NSUN6: variants seen among roughly 807,000 people sequenced by gnomAD.
NSUN6 encodes NOP2/Sun RNA methyltransferase 6, also known as tRNA (cytosine(72)-C(5))-methyltransferase NSUN6.
NSUN6 carries 64 observed loss-of-function variants against 58.0 expected under a neutral mutation model. The observed-to-expected ratio is 1.10, with a 90% CI of 0.90 to 1.36. The LOEUF is 1.36. Among genes scored for constraint, NSUN6 ranks in the 40% most tolerant of loss-of-function variants. The pLI, the probability that NSUN6 is intolerant of heterozygous loss-of-function variation, is 0.00. For missense variants in NSUN6, 701 were observed against 550.1 expected (o/e 1.27, Z -2.74); for synonymous variants, 231 against 193.9 (o/e 1.19, Z -1.59).
In NSUN6 at chr10:18,616,191, T is replaced by A. The variant is rs1287474534; in HGVS notation, c.414A>T (p.Ala138=). The stretch of plus-strand genomic sequence containing the variant: ...TCTAAACATTATACTTACATTGTGA[T>A]GCTGACACAATTCCTGGGGCATAGA... ...AHVYAPGIVS[A]SQFMKAGDVI... The change falls in exon 4 of 11, where the codon GCA becomes GCT. Residue 138 remains alanine (A), a synonymous_variant. Transcript: ENST00000377304. 6.6e-7 allele frequency: 1 copy of A among 1,524,848 alleles called. No individual in the cohort carries two copies. The highest frequency in any genetic ancestry group is 9.1e-7 in the Non-Finnish European group (1 of 1,099,052). The allele number at this position is 1,524,848 out of a possible 1,614,324, so 94.5% of individuals were successfully genotyped here. A position where few individuals can be genotyped will look rare whatever the true frequency, so the allele number is the denominator to read the frequency against.
chr10:18,568,533 C>CTCCAT (rs2056130964), intron 8 of NSUN6, among the ~76,000 whole-genome samples: 1 of 150,418 alleles, frequency 6.6e-6, no homozygotes, highest in African/African-American at 2.4e-5. Flanking sequence ...CCAATCCATT[C>CTCCAT]TCCATTCCAT....
chr10:18,653,067 T>A, upstream of NSUN6: 1 of 984,910 alleles, frequency 1.0e-6, no homozygotes, highest in Non-Finnish European at 1.2e-6. Context: ...AATCAGACAT[T>A]TCCAAAGGAA....
chr10:18,547,959 G>C (rs971397889), intron 10 of NSUN6, among the ~76,000 whole-genome samples, 153 bp downstream of exon 10: 1 of 152,228 alleles, frequency 6.6e-6, no homozygotes, highest in African/African-American at 2.4e-5. Flanking sequence ...ATTATGGGCA[G>C]TCTAAAGTGG....
At chr10:18,614,218 G>C (rs545935886) in intron 5 of NSUN6, among the ~76,000 whole-genome samples, 154 of 151,720 alleles carry the variant, frequency 1.0e-3, no homozygotes, top group Non-Finnish European at 1.6e-3. Context: ...AATTCAGAAG[G>C]ACAAGTAAAA....
At chr10:18,597,247 CAGAT>C (rs1397835840) in intron 6 of NSUN6, among the ~76,000 whole-genome samples, 3 of 152,184 alleles carry the variant, frequency 2.0e-5, no homozygotes, top group South Asian at 4.1e-4. Flanking sequence ...TTGAATAAAA[CAGAT>C]AGAACAGTAT....
At chr10:18,572,890 T>C (rs1202052389) in intron 8 of NSUN6, among the ~76,000 whole-genome samples, 1 of 150,734 alleles carries the variant, frequency 6.6e-6, no homozygotes, top group African/African-American at 2.4e-5. Context: ...TTTCATTCCA[T>C]TCTCCATTCC....
chr10:18,600,663 C>T (rs942084604), intron 6 of NSUN6, among the ~76,000 whole-genome samples: 3 of 151,734 alleles, frequency 2.0e-5, no homozygotes, highest in African/African-American at 7.3e-5. Flanking sequence ...TGCAGTGGCT[C>T]ATGCCTGTGA....
intron 8 of NSUN6, among the ~76,000 whole-genome samples, chr10:18,577,836 C>T (rs1393989909): frequency 6.6e-6 from 1 of 152,212 alleles, no homozygotes; most frequent in African/African-American, 2.4e-5. Context: ...TCCCGCCAAA[C>T]CACTCACCCT....
chr10:18,596,201 G>A lies in NSUN6; in HGVS notation c.777+7C>T. 1 of 1,608,798 alleles carries A rather than the reference G, an allele frequency of 6.2e-7. No individual in the cohort carries two copies. ...TGAGAGTGGATTTGCTGTGAAGACA[G>A]TCTCACCTGATCATGCATTAGTGCT... On this transcript the variant is annotated splice_region_variant and intron_variant, in intron 7 of 10. Transcript: ENST00000377304.
Position 18,600,941 on chromosome 10 carries a change from A to AAAAAAAAT in NSUN6, c.658-4615_658-4614insATTTTTTT, listed in dbSNP as rs1487679670. Among the ~76,000 whole-genome samples, 26 of 43,542 alleles carry AAAAAAAAT rather than the reference A, an allele frequency of 6.0e-4. 2 individuals carry two copies. The highest frequency in any genetic ancestry group is 2.1e-3 in the African/African-American group (26 of 12,498). 28.6% of individuals were successfully genotyped at this position (43,542 alleles called of 152,430 possible). ...AGACTCCATCTCAAAAAAAAAAAAA[A>AAAAAAAAT]ATATATATATATATATATACATATA... On this transcript the variant is annotated intron_variant, in intron 6 of 10. Transcript: ENST00000377304.
Position 18,614,566 on chromosome 10 carries a change from T to C in NSUN6, c.469A>G (p.Lys157Glu). ...AATTCTTTGGCTCCTTTCTTACATT[T>C]TCCTTTAATATCAGAGTATACAGAA... is the stretch of plus-strand genomic sequence containing the variant. Reference protein sequence around the residue: ...VISVYSDIKGKCKKGAKEFDG... With the variant: ...VISVYSDIKGECKKGAKEFDG... Residue 157 changes from lysine to glutamate, a missense_variant, in exon 5 of 11, where the codon AAA becomes GAA. Physicochemically the swap from Lys to Glu is moderately conservative, Grantham distance 56 (BLOSUM62 1). Coordinates refer to ENST00000377304, the MANE Select transcript of NSUN6 (RefSeq NM_182543.5). 6.6e-7 allele frequency: 1 copy of C among 1,518,912 alleles called. No individual in the cohort carries two copies. The highest frequency in any genetic ancestry group is 8.9e-7 in the Non-Finnish European group (1 of 1,120,232). 94.1% of individuals were successfully genotyped at this position (1,518,912 alleles called of 1,614,324 possible).
At chr10:18,555,362 G>T (rs1564707819) in intron 8 of NSUN6, among the ~76,000 whole-genome samples, 1 of 150,868 alleles carries the variant, frequency 6.6e-6, no homozygotes, top group East Asian at 2.0e-4. Context: ...TATGGAGAAT[G>T]GAATGGAATG....
upstream of NSUN6, chr10:18,652,155 G>A (rs2059720796): frequency 3.0e-6 from 3 of 984,710 alleles, no homozygotes; most frequent in Admixed American, 6.2e-5. Context: ...TTAGTTATAA[G>A]GCTAACTGCT....
At chr10:18,576,806 G>T (rs2056672176) in intron 8 of NSUN6, among the ~76,000 whole-genome samples, 1 of 152,154 alleles carries the variant, frequency 6.6e-6, no homozygotes, top group South Asian at 2.1e-4. Context: ...ACCTTTACTG[G>T]ATACTCTGCC....
Position 18,551,927 on chromosome 10 carries a change from C to A in NSUN6, c.967G>T (p.Asp323Tyr), listed in dbSNP as rs774705707. Residue 323 changes from aspartate (D) to tyrosine (Y), a missense_variant, in exon 9 of 11, where the codon GAT becomes TAT. Physicochemically the swap from Asp to Tyr is radical, Grantham distance 160 (BLOSUM62 -3). Transcript: ENST00000377304. Reference sequence around the variant, plus strand: ...TGTCCCATTCCACTACAGGGTGCATCCAGAAGAATTCGGTCAAAGGATTCT... The same window carrying A: ...TGTCCCATTCCACTACAGGGTGCATACAGAAGAATTCGGTCAAAGGATTCT... ...LPESFDRILL[D>Y]APCSGMGQRP... 3.7e-6 allele frequency: 6 copies of A among 1,609,744 alleles called. No homozygotes were observed. The East Asian group carries it at 1.1e-4, about 30-fold the overall frequency.
rs185963265 is a variant in NSUN6 at position 18,597,355 on chromosome 10, C to T, written c.658-1028G>A. ...TTTGGTTATTTTGGAGACAGAGTCT[C>T]ATTATTTTGCTTAAGCTGGGTTCAA... On this transcript the variant is annotated intron_variant, in intron 6 of 10. Coordinates refer to ENST00000377304, the MANE Select transcript of NSUN6 (RefSeq NM_182543.5). Among the ~76,000 whole-genome samples the T allele has an allele frequency of 4.5e-4, 68 of 152,284 alleles. 1 individual carries two copies. Among genetic ancestry groups the T allele is most frequent in the African/African-American group, 1.6e-3 (67 of 41,562 alleles).
intron 8 of NSUN6, among the ~76,000 whole-genome samples, chr10:18,557,201 C>T (rs140971855): frequency 1.1e-4 from 16 of 143,260 alleles, no homozygotes; most frequent in African/African-American, 3.9e-4. Flanking sequence ...GGATGGAATG[C>T]GTATGCAATG....
chr10:18,551,957 G>C lies in NSUN6; in HGVS notation c.937C>G (p.Leu313Val). 3.7e-6 allele frequency: 6 copies of C among 1,603,122 alleles called. No homozygotes were observed. The highest frequency in any genetic ancestry group is 5.1e-6 in the Non-Finnish European group (6 of 1,171,216). Residue 313 changes from leucine to valine, a missense_variant, in exon 9 of 11, where the codon CTA becomes GTA. By Grantham distance (32) the Leu-to-Val change is conservative. Transcript: ENST00000377304. ...VEDTEGEPPFLPESFDRILLD... is the reference protein window; with the variant it reads ...VEDTEGEPPFVPESFDRILLD... ...AGAATTCGGTCAAAGGATTCTGGTAGAAATGGAGGTTCTCCTATAAAGAGA... is the reference window on the plus strand; with the variant it reads ...AGAATTCGGTCAAAGGATTCTGGTACAAATGGAGGTTCTCCTATAAAGAGA...
chr10:18,656,609 C>G (rs2059780089), upstream of NSUN6, among the ~76,000 whole-genome samples: 1 of 152,128 alleles, frequency 6.6e-6, no homozygotes, highest in African/African-American at 2.4e-5. Flanking sequence ...ACAGCTAGCT[C>G]TTCCAAGTAT....
Sources: allele counts gnomAD v4.1 joint callset (sites outside exome capture counted in the v4.1 genomes callset), GRCh38; gene constraint gnomAD v4.1.1; transcripts MANE v1.5; gene names NCBI Gene and HGNC (gene_info 2026-07-23, HGNC 2026-07-21).